The following SLC35F1 variants were observed in gnomAD, a reference collection of about 807,000 sequenced individuals.
SLC35F1 encodes solute carrier family 35 member F1.
In SLC35F1, 14 loss-of-function variants were observed where a neutral mutation model predicts 48.7. The ratio of observed to expected loss-of-function variants is 0.29; its 90% CI spans 0.19 to 0.45. The LOEUF is 0.45. Ranked by LOEUF, SLC35F1 falls within the 20% of genes least tolerant of loss-of-function variation. The probability of loss-of-function intolerance (pLI) is 1.00; values close to 1 mark genes in which losing one functional copy is unlikely to be tolerated. For missense variants in SLC35F1, 404 were observed against 500.0 expected (o/e 0.81, Z 1.83); for synonymous variants, 190 against 202.2 (o/e 0.94, Z 0.51).
intron 1 of SLC35F1, among the ~76,000 whole-genome samples, chr6:117,949,762 G>C (rs1019736013): frequency 5.3e-5 from 8 of 152,090 alleles, no homozygotes; most frequent in African/African-American, 1.9e-4. Flanking sequence ...ATTTGCAAAG[G>C]GTAGTGTGTG....
intron 7 of SLC35F1, among the ~76,000 whole-genome samples, chr6:118,295,128 C>A (rs1776168018): frequency 6.6e-6 from 1 of 152,076 alleles, no homozygotes; most frequent in Admixed American, 6.5e-5. Context: ...TTATATCTAT[C>A]CCATATGTGC....
intron 2 of SLC35F1, among the ~76,000 whole-genome samples, chr6:118,182,498 AAAAG>A (rs1456984561): frequency 5.1e-5 from 6 of 117,668 alleles, no homozygotes; most frequent in African/African-American, 2.9e-5. Context: ...TCAAAAAAAA[AAAAG>A]AAAGAGAGAG....
At chr6:117,945,347 C>A (rs1776283319) in intron 1 of SLC35F1, among the ~76,000 whole-genome samples, 1 of 152,128 alleles carries the variant, frequency 6.6e-6, no homozygotes, top group Non-Finnish European at 1.5e-5. Context: ...ATTTGTTTTC[C>A]ACATATAGTC....
chr6:117,940,708 G>A (rs1301479814), intron 1 of SLC35F1, among the ~76,000 whole-genome samples: 2 of 151,932 alleles, frequency 1.3e-5, no homozygotes, highest in Admixed American at 6.6e-5. Context: ...TAGTACAGTG[G>A]CATAATCACA....
intron 7 of SLC35F1, among the ~76,000 whole-genome samples, chr6:118,288,290 C>G (rs1464071830): frequency 6.6e-6 from 1 of 152,092 alleles, no homozygotes; most frequent in African/African-American, 2.4e-5. Context: ...TAAGGGTGCA[C>G]CCGTGACACA....
intron 1 of SLC35F1, among the ~76,000 whole-genome samples, chr6:118,029,380 G>C (rs9481759): frequency 0.41 from 62,355 of 151,612 alleles, 12,999 homozygotes; most frequent in Admixed American, 0.48. Flanking sequence ...GAGAGAGAGA[G>C]AGACAGAGAG....
chr6:118,042,772 G>A (rs955193134), intron 1 of SLC35F1, among the ~76,000 whole-genome samples: 1 of 152,106 alleles, frequency 6.6e-6, no homozygotes, highest in Non-Finnish European at 1.5e-5. Flanking sequence ...GGAAGGGCTC[G>A]ATCTAAGAGA....
intron 1 of SLC35F1, among the ~76,000 whole-genome samples, chr6:118,019,073 A>G (rs1275278768): frequency 6.6e-6 from 1 of 152,158 alleles, no homozygotes; most frequent in Non-Finnish European, 1.5e-5. Flanking sequence ...CTGAAAGACA[A>G]TGGTTTTAAA....
At chr6:118,115,312 G>T (rs1398966970) in intron 1 of SLC35F1, among the ~76,000 whole-genome samples, 1 of 152,178 alleles carries the variant, frequency 6.6e-6, no homozygotes, top group Non-Finnish European at 1.5e-5. Flanking sequence ...CACATAGCAG[G>T]CATGCACAGA....
chr6:117,907,720 T>A lies in SLC35F1; in HGVS notation c.-7T>A, dbSNP rs767832149. ...CTGATCGCCGCCGCGCCTCAGCCTCTGCCGCGATGATCCCCCCTGAGCAGC... is the reference window on the plus strand; with the variant it reads ...CTGATCGCCGCCGCGCCTCAGCCTCAGCCGCGATGATCCCCCCTGAGCAGC... On this transcript the variant is annotated 5_prime_UTR_variant, in exon 1 of 8. Coordinates refer to ENST00000360388, the MANE Select transcript of SLC35F1 (RefSeq NM_001029858.4). 4.0e-6 allele frequency: 6 copies of A among 1,511,174 alleles called. No homozygotes were observed. In the East Asian group the frequency reaches 1.3e-4, roughly 34 times the overall value. 93.6% of individuals were successfully genotyped at this position (1,511,174 alleles called of 1,614,324 possible).
chr6:117,981,040 G>T (rs1425435601), intron 1 of SLC35F1, among the ~76,000 whole-genome samples: 4 of 152,212 alleles, frequency 2.6e-5, no homozygotes, highest in African/African-American at 9.6e-5. Flanking sequence ...GGTGGGGAAA[G>T]GAGAGGAAGA....
intron 1 of SLC35F1, among the ~76,000 whole-genome samples, chr6:118,080,925 A>G (rs73525684): frequency 0.028 from 4,273 of 152,264 alleles, 156 homozygotes; most frequent in African/African-American, 0.073. Context: ...TGACCTGAAA[A>G]TACTAACTGC....
intron 1 of SLC35F1, among the ~76,000 whole-genome samples, chr6:118,016,901 C>T (rs1028769404): frequency 2.6e-5 from 4 of 152,210 alleles, no homozygotes; most frequent in African/African-American, 7.2e-5. Context: ...ATTTCTACCA[C>T]CCTCGACATC....
chr6:118,214,936 C>T lies in SLC35F1; in HGVS notation c.350-20573C>T, dbSNP rs867211401. Among the ~76,000 whole-genome samples, 6 of 152,160 alleles carry T rather than the reference C, an allele frequency of 3.9e-5. No individual in the cohort carries two copies. The South Asian group carries it at 8.3e-4, about 21-fold the overall frequency. ...TTGTTTTTGCTCCCTTTTCCCTAAC[C>T]TCTTTTAAAAGTAATCAACTGATAA... On this transcript the variant is annotated intron_variant, in intron 2 of 7. Transcript: ENST00000360388.
chr6:118,043,741 C>T (rs1323595579), intron 1 of SLC35F1, among the ~76,000 whole-genome samples: 1 of 152,192 alleles, frequency 6.6e-6, no homozygotes, highest in Non-Finnish European at 1.5e-5. Flanking sequence ...GTATTGTACG[C>T]TTATGCACTT....
chr6:118,216,412 T>C (rs1439669625), intron 2 of SLC35F1, among the ~76,000 whole-genome samples: 1 of 150,446 alleles, frequency 6.6e-6, no homozygotes, highest in African/African-American at 2.4e-5. Context: ...ACTACTAAAA[T>C]GTTGTGTGGG....
At chr6:117,929,453 A>ATGTGTGTGTGTGTGTGTGTGTG (rs143634465) in intron 1 of SLC35F1, among the ~76,000 whole-genome samples, 1 of 145,994 alleles carries the variant, frequency 6.8e-6, no homozygotes, top group African/African-American at 2.5e-5. Flanking sequence ...GTATGTATTT[A>ATGTGTGTGTGTGTGTGTGTGTG]TGTGTGTGTG....
At chr6:118,192,369 G>A (rs1477031913) in intron 2 of SLC35F1, among the ~76,000 whole-genome samples, 1 of 152,012 alleles carries the variant, frequency 6.6e-6, no homozygotes, top group African/African-American at 2.4e-5. Context: ...GAATTCATGG[G>A]GAATTTTTAC....
chr6:118,025,646 G>C (rs1777452090), intron 1 of SLC35F1, among the ~76,000 whole-genome samples: 1 of 151,968 alleles, frequency 6.6e-6, no homozygotes, highest in Admixed American at 6.6e-5. Flanking sequence ...ATTTATTTAT[G>C]ATATATTTTG....
Sources: gnomAD v4.1 joint callset for allele counts (sites outside exome capture counted in the v4.1 genomes callset) on GRCh38, gnomAD v4.1.1 for gene constraint, MANE v1.5 for transcripts, NCBI Gene and HGNC (gene_info 2026-07-23, HGNC 2026-07-21) for gene names.